ASNS: variants seen among roughly 807,000 people sequenced by gnomAD.
ASNS encodes asparagine synthetase [glutamine-hydrolyzing].
In ASNS, 37 loss-of-function variants were observed where a neutral mutation model predicts 62.6. The ratio of observed to expected loss-of-function variants is 0.59; its 90% CI spans 0.45 to 0.78. The LOEUF is 0.78. Ranked by LOEUF, ASNS falls within the 30% of genes least tolerant of loss-of-function variation. The pLI, the probability that ASNS is intolerant of heterozygous loss-of-function variation, is 0.00. For synonymous variants in ASNS, 207 were observed against 237.9 expected (o/e 0.87, Z 1.19); for missense variants, 520 against 682.4 (o/e 0.76, Z 2.65).
chr7:97,896,717 C>T, the ASNS span, among the ~76,000 whole-genome samples: 442 of 37,720 alleles, frequency 0.012, 33 homozygotes, highest in Middle Eastern at 0.042. Flanking sequence ...TATATACACA[C>T]ACACACACAC....
chr7:97,893,009 T>C, the ASNS span, among the ~76,000 whole-genome samples: 10 of 152,258 alleles, frequency 6.6e-5, no homozygotes, highest in Admixed American at 6.5e-4. Context: ...TAAAGACACA[T>C]TCAAGACTGG....
upstream of ASNS, among the ~76,000 whole-genome samples, chr7:97,877,252 G>T (rs1264481450): frequency 6.6e-6 from 1 of 151,804 alleles, no homozygotes; most frequent in Admixed American, 6.6e-5. Context: ...GTGCCACCAC[G>T]CCTGGCTAAT....
chr7:97,882,836 G>A, the ASNS span, among the ~76,000 whole-genome samples: 11 of 152,134 alleles, frequency 7.2e-5, no homozygotes, highest in African/African-American at 2.7e-4. Flanking sequence ...GCTGAGTGTT[G>A]GTACAGGCTT....
At chr7:97,856,631 C>A in intron 8 of ASNS, 59 bp downstream of exon 8, 4 of 1,401,688 alleles carry the variant, frequency 2.9e-6, no homozygotes, top group South Asian at 3.2e-5. Flanking sequence ...TTTTTTAAAC[C>A]TTACATTTTT....
upstream of ASNS, among the ~76,000 whole-genome samples, chr7:97,876,206 G>A (rs186475823): frequency 2.6e-5 from 4 of 152,240 alleles, no homozygotes; most frequent in Non-Finnish European, 5.9e-5. Context: ...TTTAGTCTGA[G>A]GACTGTATGA....
chr7:97,917,965 G>A, the ASNS span, among the ~76,000 whole-genome samples: 299 of 152,352 alleles, frequency 2.0e-3, no homozygotes, highest in Non-Finnish European at 3.7e-3. Flanking sequence ...AGGAAACTGA[G>A]GCCTGAAGAA....
chr7:97,911,405 G>A, the ASNS span, among the ~76,000 whole-genome samples: 6 of 151,832 alleles, frequency 4.0e-5, no homozygotes, highest in East Asian at 1.9e-4. Context: ...TTGGGAGGCC[G>A]AGGTGGATGG....
At chr7:97,924,100 T>C in the ASNS span, among the ~76,000 whole-genome samples, 1 of 152,072 alleles carries the variant, frequency 6.6e-6, no homozygotes, top group Admixed American at 6.5e-5. Context: ...TAAATGTTCC[T>C]GAAATAATTA....
chr7:97,856,667 T>A, intron 8 of ASNS, 23 bp downstream of exon 8: 1 of 1,526,832 alleles, frequency 6.5e-7, no homozygotes. Flanking sequence ...AGCTTTTTAT[T>A]TAAGAATATC....
chr7:97,926,546 T>TC, the ASNS span, among the ~76,000 whole-genome samples: 1 of 152,118 alleles, frequency 6.6e-6, no homozygotes, highest in Non-Finnish European at 1.5e-5. Flanking sequence ...AAGAGAGTAT[T>TC]CCCATAGAAA....
At chr7:97,856,635 CA>C (rs1791446844) in intron 8 of ASNS, 54 bp downstream of exon 8, 10 of 1,423,900 alleles carry the variant, frequency 7.0e-6, no homozygotes, top group South Asian at 3.0e-5. Flanking sequence ...TTAAACCTTA[CA>C]TTTTTTTCAG....
the ASNS span, among the ~76,000 whole-genome samples, chr7:97,880,934 T>TGTGTTTTTGTTTTG: frequency 6.7e-6 from 1 of 150,160 alleles, no homozygotes; most frequent in Non-Finnish European, 1.5e-5. Context: ...TGTGTGTGTG[T>TGTGTTTTTGTTTTG]TTTTGTTTTG....
chr7:97,860,704 C>T (rs1263869323), intron 4 of ASNS, among the ~76,000 whole-genome samples: 2 of 152,178 alleles, frequency 1.3e-5, no homozygotes, highest in Admixed American at 6.5e-5. Flanking sequence ...TAGGATGTTA[C>T]TGCTGCACAG....
At chr7:97,875,283 G>A (rs1792414500), upstream of ASNS, among the ~76,000 whole-genome samples, 1 of 152,152 alleles carries the variant, frequency 6.6e-6, no homozygotes. Context: ...GGGATTACAG[G>A]CCCATGCCAC....
At chr7:97,882,300 G>C in the ASNS span, among the ~76,000 whole-genome samples, 1 of 152,142 alleles carries the variant, frequency 6.6e-6, no homozygotes, top group Non-Finnish European at 1.5e-5. Context: ...TGTAATCCTA[G>C]CACTTTCGGA....
At chr7:97,917,026 C>G in the ASNS span, among the ~76,000 whole-genome samples, 1 of 152,188 alleles carries the variant, frequency 6.6e-6, no homozygotes, top group South Asian at 2.1e-4. Flanking sequence ...CATCTCCATC[C>G]TGGCACCTAC....
At chr7:97,856,838 C>CT (rs774837992) in intron 7 of ASNS, 22 bp from the exon 8 acceptor site, 1 of 1,567,534 alleles carries the variant, frequency 6.4e-7, no homozygotes, top group Non-Finnish European at 8.7e-7. Flanking sequence ...AAGAAATACC[C>CT]ATTTACTTGT....
At chr7:97,856,636 A>C (rs1213392140) in intron 8 of ASNS, 54 bp downstream of exon 8, 2 of 1,436,742 alleles carry the variant, frequency 1.4e-6, no homozygotes, top group African/African-American at 2.9e-5. Context: ...TAAACCTTAC[A>C]TTTTTTTCAG....
chr7:97,915,588 T>A, the ASNS span, among the ~76,000 whole-genome samples: 1 of 151,210 alleles, frequency 6.6e-6, no homozygotes, highest in African/African-American at 2.4e-5. Flanking sequence ...GCACCTGGTG[T>A]CATGAAAGCA....
Sources: gnomAD v4.1 joint callset for allele counts (sites outside exome capture counted in the v4.1 genomes callset) on GRCh38, gnomAD v4.1.1 for gene constraint, MANE v1.5 for transcripts, NCBI Gene and HGNC (gene_info 2026-07-23, HGNC 2026-07-21) for gene names.